FAM161A: variants seen among roughly 807,000 people sequenced by gnomAD.
FAM161A encodes the protein FAM161 centrosomal protein A.
FAM161A carries 57 observed loss-of-function variants against 70.9 expected under a neutral mutation model. The observed-to-expected ratio is 0.80, with a 90% CI of 0.65 to 1.00. FAM161A has a LOEUF of 1.00. Ranked by LOEUF, FAM161A falls within the 50% of genes least tolerant of loss-of-function variation. The pLI, the probability that FAM161A is intolerant of heterozygous loss-of-function variation, is 0.00. For missense variants in FAM161A, 880 were observed against 836.0 expected (o/e 1.05, Z -0.65); for synonymous variants, 299 against 295.7 (o/e 1.01, Z -0.12).
the FAM161A span, among the ~76,000 whole-genome samples, chr2:61,804,786 G>GAAAGAAAGAA: frequency 2.2e-5 from 3 of 136,144 alleles, no homozygotes; most frequent in Non-Finnish European, 4.7e-5. Flanking sequence ...AAGAAAGAAA[G>GAAAGAAAGAA]AAAGAAAGAA....
the FAM161A span, among the ~76,000 whole-genome samples, chr2:61,804,986 A>G: frequency 6.6e-6 from 1 of 152,090 alleles, no homozygotes; most frequent in Admixed American, 6.5e-5. Context: ...CTGAGGACTC[A>G]ACTCTGACTG....
chr2:61,842,282 T>A lies in FAM161A; in HGVS notation c.262A>T (p.Ile88Phe). 6.2e-7 allele frequency: 1 copy of A among 1,612,648 alleles called. No individual in the cohort carries two copies. The highest frequency in any genetic ancestry group is 8.5e-7 in the Non-Finnish European group (1 of 1,179,090). Residue 88 changes from isoleucine to phenylalanine, a missense_variant, in exon 2 of 7, where the codon ATT (isoleucine) becomes TTT (phenylalanine). Transcript: ENST00000404929. ...SYEDFVNFPD[I>F]HHSNEEYFKK... is the part of the protein sequence containing the mutation. ...AAATACTCCTCATTAGAGTGGTGAA[T>A]ATCAGGAAAGTTCACAAAGTCCTCA...
intron 1 of FAM161A, among the ~76,000 whole-genome samples, chr2:61,850,336 T>G (rs1176100430): frequency 6.6e-6 from 1 of 151,450 alleles, no homozygotes; most frequent in African/African-American, 2.4e-5. Flanking sequence ...GTGGAGGTTG[T>G]GGTGAGCCAA....
chr2:61,802,420 G>T, the FAM161A span, among the ~76,000 whole-genome samples: 1 of 152,094 alleles, frequency 6.6e-6, no homozygotes, highest in East Asian at 1.9e-4. Flanking sequence ...TAATACTAAC[G>T]TTGAAAAAAT....
At chr2:61,813,378 TA>T in the FAM161A span, among the ~76,000 whole-genome samples, 130 of 144,650 alleles carry the variant, frequency 9.0e-4, no homozygotes, top group Non-Finnish European at 7.3e-4. Context: ...TCGTCTCTAC[TA>T]AAAAAAAAAA....
At chr2:61,812,537 T>C in the FAM161A span, among the ~76,000 whole-genome samples, 2 of 150,508 alleles carry the variant, frequency 1.3e-5, no homozygotes, top group Admixed American at 1.3e-4. Flanking sequence ...GCCTGGCCAA[T>C]ATGGTGAAAT....
chr2:61,833,353 G>A (rs1356257947), intron 5 of FAM161A, among the ~76,000 whole-genome samples: 1 of 150,758 alleles, frequency 6.6e-6, no homozygotes, highest in Non-Finnish European at 1.5e-5. Context: ...TTGAACCCAG[G>A]AGGCAGAGGT....
intron 1 of FAM161A, among the ~76,000 whole-genome samples, chr2:61,842,748 T>G (rs1482395392): frequency 6.6e-6 from 1 of 152,202 alleles, no homozygotes; most frequent in African/African-American, 2.4e-5. Context: ...CTACCTGCTG[T>G]AAACCAGGCA....
chr2:61,838,892 A>ATTTATTTTTTT (rs747578151), intron 3 of FAM161A, among the ~76,000 whole-genome samples, 187 bp from the exon 4 acceptor site: 2 of 130,278 alleles, frequency 1.5e-5, no homozygotes, highest in African/African-American at 2.7e-5. Context: ...TTATTTATTT[A>ATTTATTTTTTT]TTTTTTTTGA....
chr2:61,801,572 T>G, the FAM161A span, among the ~76,000 whole-genome samples: 4 of 150,104 alleles, frequency 2.7e-5, no homozygotes, highest in African/African-American at 7.5e-5. Flanking sequence ...TTTTTGGTTT[T>G]TTTTTTTTTT....
rs148675402 is a variant in FAM161A, at chr2:61,828,552, T to G, written c.1852-1294A>C. Among the ~76,000 whole-genome samples, 124 of 152,262 alleles carry G rather than the reference T, an allele frequency of 8.1e-4. 2 individuals are homozygous for G. In the East Asian group the frequency reaches 0.023, roughly 28 times the overall value. ...TATGTTGTCCAGGATGGCCTTGAAT[T>G]CCTGGGTTTAAGTGATCCACCGGCC... is the stretch of plus-strand genomic sequence containing the variant. On this transcript the variant is annotated intron_variant, in intron 5 of 6. Coordinates refer to ENST00000404929, the MANE Select transcript of FAM161A (RefSeq NM_001201543.2).
chr2:61,822,371 A>G (rs959865313), downstream of FAM161A, among the ~76,000 whole-genome samples: 1 of 152,290 alleles, frequency 6.6e-6, no homozygotes, highest in East Asian at 1.9e-4. Context: ...ACTACATATA[A>G]GTGACAAGAA....
intron 3 of FAM161A, 125 bp downstream of exon 3, chr2:61,839,296 A>C: frequency 1.2e-6 from 1 of 827,970 alleles, no homozygotes; most frequent in Non-Finnish European, 2.0e-6. Flanking sequence ...ATTATATAGT[A>C]AAATATCTTA....
the FAM161A span, among the ~76,000 whole-genome samples, chr2:61,804,768 G>GAAAGAAAAAGAAAGAAAGAA: frequency 2.7e-4 from 32 of 119,034 alleles, no homozygotes; most frequent in African/African-American, 9.9e-4. Context: ...GAAAAAGAAA[G>GAAAGAAAAAGAAAGAAAGAA]AGAAAGAAAG....
At chr2:61,820,749 C>G (rs1672185973), downstream of FAM161A, among the ~76,000 whole-genome samples, 1 of 152,122 alleles carries the variant, frequency 6.6e-6, no homozygotes, top group African/African-American at 2.4e-5. Context: ...TTCGAAACAA[C>G]TAGGGGCTAG....
chr2:61,823,825 T>C (rs567406908), downstream of FAM161A, among the ~76,000 whole-genome samples: 2 of 152,274 alleles, frequency 1.3e-5, no homozygotes, highest in East Asian at 1.9e-4. Flanking sequence ...CATAACCTTT[T>C]TCTTGATGTT....
chr2:61,836,699 AT>A (rs1672786663), intron 4 of FAM161A: 1 of 154,896 alleles, frequency 6.5e-6, no homozygotes, highest in African/African-American at 2.4e-5. Context: ...AGCTTCCCGA[AT>A]AGCTGAGATT....
At chr2:61,850,017 A>G (rs1034166300) in intron 1 of FAM161A, among the ~76,000 whole-genome samples, 7 of 152,078 alleles carry the variant, frequency 4.6e-5, no homozygotes, top group Non-Finnish European at 7.4e-5. Flanking sequence ...AAAACTATCT[A>G]TTGGGTACCA....
intron 1 of FAM161A, among the ~76,000 whole-genome samples, chr2:61,845,966 G>GA (rs1673194285): frequency 6.6e-6 from 1 of 151,732 alleles, no homozygotes; most frequent in Non-Finnish European, 1.5e-5. Flanking sequence ...GCGTGTACCT[G>GA]TAGTCCCAGC....
Sources: allele counts gnomAD v4.1 joint callset (sites outside exome capture counted in the v4.1 genomes callset), GRCh38; gene constraint gnomAD v4.1.1; transcripts MANE v1.5; gene names NCBI Gene and HGNC (gene_info 2026-07-23, HGNC 2026-07-21).